Variants in ZNF98 observed in about 807,000 individuals in gnomAD.
The protein encoded by ZNF98 is zinc finger protein 98.
ZNF98 carries 8 observed loss-of-function variants against 12.8 expected under a neutral mutation model. The observed-to-expected ratio is 0.63, with a 90% CI of 0.37 to 1.13. ZNF98 has a LOEUF of 1.13. Among genes scored for constraint, ZNF98 ranks in the 50% most tolerant of loss-of-function variants. ZNF98 has a pLI of 0.01. For missense variants in ZNF98, 379 were observed against 666.1 expected, an observed-to-expected ratio of 0.57 and a Z score of 4.74; for synonymous variants, 112 against 223.5, an observed-to-expected ratio of 0.50 and a Z score of 4.45.
intron 3 of ZNF98, among the ~76,000 whole-genome samples, chr19:22,400,681 G>A (rs1436916461): frequency 4.6e-5 from 7 of 152,096 alleles, no homozygotes; most frequent in Admixed American, 6.6e-5. Flanking sequence ...AGGGCCAGGC[G>A]CGGTGGCTCA....
At chr19:22,406,002 T>C (rs1021742794) in intron 1 of ZNF98, among the ~76,000 whole-genome samples, 8 of 152,176 alleles carry the variant, frequency 5.3e-5, no homozygotes, top group African/African-American at 1.4e-4. Context: ...GGAGAAGTGA[T>C]TGCAGTCTCT....
Position 22,422,142 on chromosome 19 carries a change from G to T in ZNF98, c.30+53C>A, listed in dbSNP as rs953703256. The stretch of plus-strand genomic sequence containing the variant: ...AGTCCCGCCACAGCCTCTTCCCACC[G>T]GTTCCAACCAGCCCCTTCTCCTCTC... On this transcript the variant is annotated intron_variant, in intron 1 of 3. Coordinates refer to ENST00000357774, the MANE Select transcript of ZNF98 (RefSeq NM_001098626.2). 1.9e-6 allele frequency: 3 copies of T among 1,610,014 alleles called. No homozygotes were observed. The East Asian group carries it at 6.7e-5, about 36-fold the overall frequency.
At chr19:22,422,079 A>G in intron 1 of ZNF98, 116 bp downstream of exon 1, 1 of 1,326,238 alleles carries the variant, frequency 7.5e-7, no homozygotes, top group South Asian at 1.2e-5. Context: ...AAGGAGAACT[A>G]GGGGCACGGA....
At chr19:22,404,601 G>A (rs537601903) in intron 1 of ZNF98, among the ~76,000 whole-genome samples, 7 of 152,314 alleles carry the variant, frequency 4.6e-5, no homozygotes, top group East Asian at 1.9e-4. Flanking sequence ...TTTTTATGAT[G>A]TGCTGATGCA....
At chr19:22,418,828 G>A (rs1049169675) in intron 1 of ZNF98, among the ~76,000 whole-genome samples, 1 of 152,232 alleles carries the variant, frequency 6.6e-6, no homozygotes, top group African/African-American at 2.4e-5. Context: ...GTTGCAGTGA[G>A]TGATCGCACC....
chr19:22,406,495 A>G (rs1011151796), intron 1 of ZNF98, among the ~76,000 whole-genome samples: 3 of 152,126 alleles, frequency 2.0e-5, no homozygotes, highest in Non-Finnish European at 2.9e-5. Context: ...AAACTAGACA[A>G]ACTCATGAAG....
chr19:22,407,242 A>G (rs2145116785), intron 1 of ZNF98, among the ~76,000 whole-genome samples: 1 of 151,946 alleles, frequency 6.6e-6, no homozygotes, highest in South Asian at 2.1e-4. Context: ...CGTTTAGTAG[A>G]GATAGGGTTT....
intron 3 of ZNF98, among the ~76,000 whole-genome samples, chr19:22,400,296 G>C (rs1969441892): frequency 6.6e-6 from 1 of 152,126 alleles, no homozygotes; most frequent in African/African-American, 2.4e-5. Context: ...CACAGTTCAT[G>C]GCAAGTTCTG....
rs755632781 is a variant in ZNF98 at position 22,391,271 on chromosome 19, G to A, written c.*245C>T. 2 of 728,796 alleles carry A rather than the reference G, an allele frequency of 2.7e-6. No individual in the cohort carries two copies. Among genetic ancestry groups the A allele is most frequent in the Non-Finnish European group, 4.1e-6 (2 of 485,808 alleles). 45.1% of individuals were successfully genotyped at this position (728,796 alleles called of 1,614,324 possible). A position where few individuals can be genotyped will look rare whatever the true frequency, so the allele number is the denominator to read the frequency against. On this transcript the variant is annotated 3_prime_UTR_variant, in exon 4 of 4. Coordinates refer to ENST00000357774, the MANE Select transcript of ZNF98 (RefSeq NM_001098626.2). ...TTTTGACAGTAATTGCACCTTTAAT[G>A]CTATTAAGTATAAATTCTCTGATGC...
intron 1 of ZNF98, among the ~76,000 whole-genome samples, chr19:22,413,513 G>A (rs1969603301): frequency 6.6e-6 from 1 of 152,092 alleles, no homozygotes; most frequent in African/African-American, 2.4e-5. Context: ...AAAATATCTA[G>A]GACTATAGCT....
At chr19:22,396,485 CAA>C (rs1454086062) in intron 3 of ZNF98, among the ~76,000 whole-genome samples, 1 of 151,948 alleles carries the variant, frequency 6.6e-6, no homozygotes, top group Non-Finnish European at 1.5e-5. Context: ...ATGCAAGAAT[CAA>C]ATAAAATAAT....
intron 1 of ZNF98, among the ~76,000 whole-genome samples, chr19:22,416,201 T>C: frequency 6.6e-6 from 1 of 151,460 alleles, no homozygotes; most frequent in Non-Finnish European, 1.5e-5. Context: ...CCAGGCGTGG[T>C]GGCTCACACC....
At chr19:22,410,741 A>G (rs1181570843) in intron 1 of ZNF98, among the ~76,000 whole-genome samples, 1 of 152,190 alleles carries the variant, frequency 6.6e-6, no homozygotes, top group African/African-American at 2.4e-5. Flanking sequence ...ATCACTTGGT[A>G]ATGTTGGTCT....
intron 1 of ZNF98, among the ~76,000 whole-genome samples, chr19:22,410,574 G>A (rs1304364050): frequency 4.6e-5 from 7 of 152,122 alleles, no homozygotes; most frequent in Non-Finnish European, 5.9e-5. Flanking sequence ...CACAGGGAGG[G>A]GAATAACACA....
Position 22,419,098 on chromosome 19 carries a change from C to T in ZNF98, c.30+3097G>A, listed in dbSNP as rs941948760. On this transcript the variant is annotated intron_variant, in intron 1 of 3. Coordinates refer to ENST00000357774, the MANE Select transcript of ZNF98 (RefSeq NM_001098626.2). ...TTCACCCTCCATTTGCCATTTCCCT[C>T]CCACTTTCGTTCTAATCTTGTTTGT... Among the ~76,000 whole-genome samples, 3 of 152,234 alleles carry T rather than the reference C, an allele frequency of 2.0e-5. No individual in the cohort carries two copies. In the East Asian group the frequency reaches 5.8e-4, roughly 29 times the overall value.
chr19:22,405,512 C>T (rs1389479821), intron 1 of ZNF98, among the ~76,000 whole-genome samples: 1 of 152,116 alleles, frequency 6.6e-6, no homozygotes, highest in Non-Finnish European at 1.5e-5. Context: ...CCCCACCCCC[C>T]AGCCAAGAGA....
intron 1 of ZNF98, among the ~76,000 whole-genome samples, chr19:22,412,648 AAAAAAAAGAT>A (rs1969592280): frequency 6.6e-6 from 1 of 151,776 alleles, no homozygotes; most frequent in Non-Finnish European, 1.5e-5. Context: ...CTTAAAAAAA[AAAAAAAAGAT>A]AAATTCTCAA....
chr19:22,420,878 T>C (rs1969696372), intron 1 of ZNF98, among the ~76,000 whole-genome samples: 1 of 152,196 alleles, frequency 6.6e-6, no homozygotes, highest in Non-Finnish European at 1.5e-5. Flanking sequence ...AGAGACTTTT[T>C]ACAATTCACT....
chr19:22,411,030 ATTTATTTTTATT>A (rs531325961), intron 1 of ZNF98, among the ~76,000 whole-genome samples: 1 of 151,936 alleles, frequency 6.6e-6, no homozygotes, highest in African/African-American at 2.4e-5. Context: ...CTGAGTCTGC[ATTTATTTTTATT>A]TTTATTTTTA....
Sources: allele counts gnomAD v4.1 joint callset (sites outside exome capture counted in the v4.1 genomes callset), GRCh38; gene constraint gnomAD v4.1.1; transcripts MANE v1.5; gene names NCBI Gene and HGNC (gene_info 2026-07-23, HGNC 2026-07-21).